The following HS6ST3 variants were observed in gnomAD, a reference collection of about 807,000 sequenced individuals.
HS6ST3 encodes heparan sulfate 6-O-sulfotransferase 3, also known as heparan-sulfate 6-O-sulfotransferase 3.
A neutral mutation model predicts 36.7 loss-of-function variants in HS6ST3; 12 were observed. The ratio of observed to expected loss-of-function variants is 0.33; its 90% CI spans 0.21 to 0.53. The LOEUF is 0.53. Among genes scored for constraint, HS6ST3 ranks in the 20% least tolerant of loss-of-function variants. The pLI, the probability that HS6ST3 is intolerant of heterozygous loss-of-function variation, is 0.95. For synonymous variants in HS6ST3, 240 were observed against 257.5 expected (o/e 0.93, Z 0.65); for missense variants, 584 against 640.9 (o/e 0.91, Z 0.96).
chr13:96,299,484 A>G (rs2054870936), intron 1 of HS6ST3, among the ~76,000 whole-genome samples: 1 of 152,118 alleles, frequency 6.6e-6, no homozygotes, highest in African/African-American at 2.4e-5. Context: ...CATAGAGAAA[A>G]CGGCCACCAG....
chr13:96,629,467 A>G (rs926633459), intron 1 of HS6ST3, among the ~76,000 whole-genome samples: 3 of 152,120 alleles, frequency 2.0e-5, no homozygotes, highest in Admixed American at 2.0e-4. Flanking sequence ...CTTTTCTGAT[A>G]ATGTCTTTAT....
intron 1 of HS6ST3, among the ~76,000 whole-genome samples, chr13:96,430,223 G>A (rs2055608010): frequency 6.6e-6 from 1 of 152,064 alleles, no homozygotes; most frequent in South Asian, 2.1e-4. Context: ...CTAATTTCTG[G>A]CTTCATTGGA....
At chr13:96,293,153 G>A (rs1009349749) in intron 1 of HS6ST3, among the ~76,000 whole-genome samples, 3 of 152,000 alleles carry the variant, frequency 2.0e-5, no homozygotes, top group Non-Finnish European at 4.4e-5. Flanking sequence ...TTAAACAATA[G>A]GGTTGAATTA....
intron 1 of HS6ST3, among the ~76,000 whole-genome samples, chr13:96,785,988 A>G (rs1419217116): frequency 1.3e-5 from 2 of 152,070 alleles, no homozygotes; most frequent in Non-Finnish European, 2.9e-5. Flanking sequence ...ACAAAAACCT[A>G]TGGCTTTCCA....
intron 1 of HS6ST3, among the ~76,000 whole-genome samples, chr13:96,115,233 G>A (rs1009251034): frequency 1.3e-5 from 2 of 152,146 alleles, no homozygotes; most frequent in African/African-American, 4.8e-5. Context: ...CTTCCAAGTG[G>A]CAGAAATCAA....
At chr13:96,498,408 G>A (rs1397330548) in intron 1 of HS6ST3, among the ~76,000 whole-genome samples, 1 of 152,104 alleles carries the variant, frequency 6.6e-6, no homozygotes, top group Non-Finnish European at 1.5e-5. Context: ...ATCTTTTCGG[G>A]TATCAGTTTC....
rs142131619 is a variant in HS6ST3 at position 96,295,480 on chromosome 13, G to A, written c.707+203911G>A. 3.9e-5 allele frequency among the ~76,000 whole-genome samples: 6 copies of A among 152,166 alleles called. No individual in the cohort carries two copies. The East Asian group carries it at 1.2e-3, about 29-fold the overall frequency. ...TAAATAAAGATTTCTGTTTTTAAGG[G>A]CTGAGGGTTCTCCCCACTGAGCAAT... On this transcript the variant is annotated intron_variant, in intron 1 of 1. Transcript: ENST00000376705.
chr13:96,800,007 T>TAC (rs1878027601), intron 1 of HS6ST3, among the ~76,000 whole-genome samples: 1 of 126,054 alleles, frequency 7.9e-6, no homozygotes, highest in Non-Finnish European at 1.6e-5. Context: ...TGTATATATA[T>TAC]ATATATGTAT....
intron 1 of HS6ST3, among the ~76,000 whole-genome samples, chr13:96,683,383 T>A (rs1249848664): frequency 6.6e-6 from 1 of 152,148 alleles, no homozygotes; most frequent in Non-Finnish European, 1.5e-5. Flanking sequence ...TTGATGTGCC[T>A]TAGCAGAATT....
chr13:96,644,093 A>G (rs1341107091), intron 1 of HS6ST3, among the ~76,000 whole-genome samples: 3 of 151,988 alleles, frequency 2.0e-5, no homozygotes, highest in Non-Finnish European at 2.9e-5. Context: ...TCTCACTATT[A>G]AAAGACTCAA....
chr13:96,498,645 A>G (rs965616454), intron 1 of HS6ST3, among the ~76,000 whole-genome samples: 1 of 152,192 alleles, frequency 6.6e-6, no homozygotes. Flanking sequence ...TAGACAGGTT[A>G]GTTCCTGTGA....
chr13:96,218,641 C>A (rs532001978), intron 1 of HS6ST3, among the ~76,000 whole-genome samples: 13 of 152,112 alleles, frequency 8.5e-5, no homozygotes, highest in Non-Finnish European at 1.6e-4. Flanking sequence ...CAGGAAGACA[C>A]GTGTCATGGT....
At chr13:96,233,081 C>G (rs780259100) in intron 1 of HS6ST3, among the ~76,000 whole-genome samples, 2 of 152,060 alleles carry the variant, frequency 1.3e-5, no homozygotes, top group Non-Finnish European at 2.9e-5. Flanking sequence ...GATACATTGC[C>G]TTTTTAAAAA....
intron 1 of HS6ST3, among the ~76,000 whole-genome samples, chr13:96,745,137 C>T (rs1451647921): frequency 6.6e-6 from 1 of 152,076 alleles, no homozygotes; most frequent in Non-Finnish European, 1.5e-5. Context: ...CAGCTGAGTT[C>T]TGCTCCAATC....
chr13:96,461,676 T>A (rs17189965), intron 1 of HS6ST3, among the ~76,000 whole-genome samples: 1 of 152,062 alleles, frequency 6.6e-6, no homozygotes, highest in Admixed American at 6.6e-5. Flanking sequence ...CAAAGTTGGC[T>A]TTCACCCTGA....
chr13:96,351,960 A>G (rs2055186155), intron 1 of HS6ST3, among the ~76,000 whole-genome samples: 1 of 152,178 alleles, frequency 6.6e-6, no homozygotes, highest in African/African-American at 2.4e-5. Flanking sequence ...AGGAAATAGA[A>G]CAGCAACACA....
At chr13:96,317,288 A>G (rs1383073139) in intron 1 of HS6ST3, among the ~76,000 whole-genome samples, 1 of 146,962 alleles carries the variant, frequency 6.8e-6, no homozygotes, top group Non-Finnish European at 1.5e-5. Context: ...GCAGCAAAGG[A>G]CATGACTTCA....
At chr13:96,557,028 T>C (rs1353720584) in intron 1 of HS6ST3, among the ~76,000 whole-genome samples, 1 of 152,176 alleles carries the variant, frequency 6.6e-6, no homozygotes, top group Non-Finnish European at 1.5e-5. Context: ...TTAATCCACA[T>C]GATTTATAGG....
chr13:96,381,150 T>G (rs946967741), intron 1 of HS6ST3, among the ~76,000 whole-genome samples: 2 of 152,228 alleles, frequency 1.3e-5, no homozygotes, highest in Non-Finnish European at 2.9e-5. Flanking sequence ...CTGCTCTTCC[T>G]TATCCATGCT....
Sources: gnomAD v4.1 joint callset for allele counts (sites outside exome capture counted in the v4.1 genomes callset) on GRCh38, gnomAD v4.1.1 for gene constraint, MANE v1.5 for transcripts, NCBI Gene and HGNC (gene_info 2026-07-23, HGNC 2026-07-21) for gene names.